SLC24A2: variants seen among roughly 807,000 people sequenced by gnomAD.
SLC24A2 encodes sodium/potassium/calcium exchanger 2.
Under a neutral mutation model 62.0 loss-of-function variants are expected in SLC24A2, and 36 were observed. The observed-to-expected ratio is 0.58, with a 90% confidence interval of 0.44 to 0.77. The LOEUF (loss-of-function observed/expected upper bound fraction) is 0.77. Ranked by LOEUF, SLC24A2 falls within the 30% of genes least tolerant of loss-of-function variation. The pLI, the probability that SLC24A2 is intolerant of heterozygous loss-of-function variation, is 0.00. For synonymous variants in SLC24A2, 358 were observed against 294.0 expected, an observed-to-expected ratio of 1.22 and a Z score of -2.23; for missense variants, 846 against 817.9, an observed-to-expected ratio of 1.03 and a Z score of -0.42.
At chr9:20,263,330 T>C in the SLC24A2 span, among the ~76,000 whole-genome samples, 2 of 152,244 alleles carry the variant, frequency 1.3e-5, no homozygotes, top group South Asian at 4.1e-4. Flanking sequence ...ATGGCTACTG[T>C]AGCCTTCACC....
chr9:20,032,202 T>A, the SLC24A2 span, among the ~76,000 whole-genome samples: 1 of 152,152 alleles, frequency 6.6e-6, no homozygotes, highest in African/African-American at 2.4e-5. Context: ...CAGGAAATGC[T>A]CTTGTCTCTT....
the SLC24A2 span, among the ~76,000 whole-genome samples, chr9:20,230,340 A>G: frequency 5.3e-5 from 8 of 152,200 alleles, no homozygotes; most frequent in Non-Finnish European, 1.2e-4. Flanking sequence ...ACTAGTTTAC[A>G]GTCCCACCAA....
At chr9:20,232,822 T>C in the SLC24A2 span, among the ~76,000 whole-genome samples, 1 of 152,192 alleles carries the variant, frequency 6.6e-6, no homozygotes, top group Non-Finnish European at 1.5e-5. Flanking sequence ...GATGTTAGGG[T>C]GTCAATTTTA....
At chr9:19,956,752 T>C in the SLC24A2 span, among the ~76,000 whole-genome samples, 2 of 152,120 alleles carry the variant, frequency 1.3e-5, no homozygotes, top group Non-Finnish European at 2.9e-5. Context: ...CCATGACACA[T>C]GGAAATTGTA....
At chr9:19,987,098 A>T in the SLC24A2 span, among the ~76,000 whole-genome samples, 1 of 151,766 alleles carries the variant, frequency 6.6e-6, no homozygotes, top group African/African-American at 2.4e-5. Context: ...TGATGCTGAA[A>T]CTCCTCGTGT....
chr9:20,158,293 G>A, the SLC24A2 span, among the ~76,000 whole-genome samples: 5 of 151,642 alleles, frequency 3.3e-5, no homozygotes, highest in Admixed American at 2.6e-4. Context: ...CTGAATGTTT[G>A]TGTCCCTCCA....
At chr9:20,046,161 G>C in the SLC24A2 span, among the ~76,000 whole-genome samples, 1 of 152,186 alleles carries the variant, frequency 6.6e-6, no homozygotes, top group Non-Finnish European at 1.5e-5. Flanking sequence ...CATGCTTGTG[G>C]AAGCCAAGGC....
the SLC24A2 span, among the ~76,000 whole-genome samples, chr9:20,133,501 ATAAT>A: frequency 6.6e-6 from 1 of 152,314 alleles, no homozygotes; most frequent in South Asian, 2.1e-4. Flanking sequence ...AACACAAATA[ATAAT>A]TAAGCATCGC....
chr9:19,589,552 G>T (rs576106857), intron 5 of SLC24A2, among the ~76,000 whole-genome samples: 1 of 152,140 alleles, frequency 6.6e-6, no homozygotes, highest in African/African-American at 2.4e-5. Flanking sequence ...TGTGGTAAAC[G>T]TTTGGATTTG....
At chr9:20,052,917 G>T in the SLC24A2 span, among the ~76,000 whole-genome samples, 1 of 152,016 alleles carries the variant, frequency 6.6e-6, no homozygotes, top group East Asian at 1.9e-4. Context: ...ACATCCAATC[G>T]CCCTATGTTA....
the SLC24A2 span, among the ~76,000 whole-genome samples, chr9:20,137,378 A>G: frequency 6.6e-6 from 1 of 152,204 alleles, no homozygotes; most frequent in Non-Finnish European, 1.5e-5. Context: ...ATACTCTGGC[A>G]GAGAGAGCAC....
chr9:19,560,170 G>A (rs762399753), intron 7 of SLC24A2, among the ~76,000 whole-genome samples: 1 of 151,888 alleles, frequency 6.6e-6, no homozygotes, highest in African/African-American at 2.4e-5. Flanking sequence ...TATGAAAACA[G>A]GGAGAGTCTG....
chr9:19,565,381 T>A (rs1017321401), intron 7 of SLC24A2, among the ~76,000 whole-genome samples: 3 of 149,388 alleles, frequency 2.0e-5, no homozygotes, highest in Non-Finnish European at 4.4e-5. Flanking sequence ...TCAAAGAGAA[T>A]AAAATACCTA....
chr9:20,273,957 T>C, the SLC24A2 span, among the ~76,000 whole-genome samples: 2 of 152,342 alleles, frequency 1.3e-5, no homozygotes, highest in East Asian at 3.9e-4. Context: ...CTTTCTTTTG[T>C]AATATGGGTA....
At chr9:19,671,731 C>A (rs905870780) in intron 2 of SLC24A2, among the ~76,000 whole-genome samples, 4 of 152,140 alleles carry the variant, frequency 2.6e-5, no homozygotes, top group Admixed American at 1.3e-4. Flanking sequence ...TACGTCCCTT[C>A]TATGCCGATT....
At chr9:20,022,686 G>A in the SLC24A2 span, among the ~76,000 whole-genome samples, 18 of 152,178 alleles carry the variant, frequency 1.2e-4, no homozygotes, top group Non-Finnish European at 1.9e-4. Context: ...GGTCCTTAGT[G>A]CAAGAACATG....
the SLC24A2 span, among the ~76,000 whole-genome samples, chr9:19,844,666 A>G: frequency 6.6e-6 from 1 of 152,048 alleles, no homozygotes; most frequent in African/African-American, 2.4e-5. Context: ...ACATTTAAAT[A>G]TTTAATCCAT....
intron 2 of SLC24A2, among the ~76,000 whole-genome samples, chr9:19,666,200 G>A (rs1227637328): frequency 6.6e-6 from 1 of 152,044 alleles, no homozygotes; most frequent in African/African-American, 2.4e-5. Context: ...GAGCCCAGGA[G>A]TTGAGATCAG....
chr9:19,942,008 A>G, the SLC24A2 span, among the ~76,000 whole-genome samples: 1 of 152,174 alleles, frequency 6.6e-6, no homozygotes, highest in African/African-American at 2.4e-5. Flanking sequence ...TACTTTAGGG[A>G]CTTAAAAAAT....
Sources: allele counts gnomAD v4.1 joint callset (sites outside exome capture counted in the v4.1 genomes callset), GRCh38; gene constraint gnomAD v4.1.1; transcripts MANE v1.5; gene names NCBI Gene and HGNC (gene_info 2026-07-23, HGNC 2026-07-21).